Variants in EMC3 observed in about 807,000 individuals in gnomAD.
EMC3 encodes the protein ER membrane protein complex subunit 3.
A neutral mutation model predicts 36.6 loss-of-function variants in EMC3; 13 were observed. The ratio of observed to expected loss-of-function variants is 0.35; its 90% CI spans 0.23 to 0.56. The LOEUF (loss-of-function observed/expected upper bound fraction) is 0.56. EMC3 is among the 20% of genes least tolerant of loss of function. The probability of loss-of-function intolerance (pLI) is 0.84; values close to 1 mark genes in which losing one functional copy is unlikely to be tolerated. For missense variants in EMC3, 220 were observed against 324.5 expected (o/e 0.68, Z 2.47); for synonymous variants, 120 against 111.9 (o/e 1.07, Z -0.46).
intron 1 of EMC3, among the ~76,000 whole-genome samples, chr3:10,000,259 C>T (rs1474447106): frequency 1.3e-5 from 2 of 152,046 alleles, no homozygotes; most frequent in African/African-American, 2.4e-5. Flanking sequence ...AGGCTGGTCT[C>T]GAACTCCTGA....
intron 1 of EMC3, among the ~76,000 whole-genome samples, chr3:9,983,557 A>T (rs2085935327): frequency 6.6e-6 from 1 of 152,168 alleles, no homozygotes; most frequent in South Asian, 2.1e-4. Context: ...CGCTAATCGC[A>T]GCCACTCGAG....
Position 10,002,804 on chromosome 3 carries a change from T to TCCA in EMC3, c.-242+8218_-242+8219insTGG, listed in dbSNP as rs367609932. On this transcript the variant is annotated intron_variant, in intron 1 of 8. Coordinates refer to the EMC3 transcript ENST00000470827. ...CAACAAGCCTTCCAGCATGACCCTG[T>TCCA]GTCTTCCCCCTCCACGCAGAGCACC... 550 of 456,192 alleles carry TCCA rather than the reference T, an allele frequency of 1.2e-3. 3 individuals carry two copies. The highest frequency in any genetic ancestry group is 9.9e-3 in the African/African-American group (494 of 50,098). The allele number at this position is 456,192 out of a possible 1,614,324, so 28.3% of individuals were successfully genotyped here. A position where few individuals can be genotyped will look rare whatever the true frequency, so the allele number is the denominator to read the frequency against.
rs1042006536 is a variant in EMC3, at chr3:9,997,974, C to T, written c.-241-11072G>A. ...GTTTACCATTTTGAGGAACCACCAC[C>T]GCTTTCCATAGCAGCTGCATAATTT... On this transcript the variant is annotated intron_variant, in intron 1 of 8. Coordinates refer to the EMC3 transcript ENST00000470827. 6.6e-5 allele frequency among the ~76,000 whole-genome samples: 10 copies of T among 152,132 alleles called. No individual in the cohort carries two copies. The East Asian group carries it at 1.3e-3, about 20-fold the overall frequency.
chr3:9,965,128 G>T (rs78655947), intron 7 of EMC3, among the ~76,000 whole-genome samples: 1 of 150,920 alleles, frequency 6.6e-6, no homozygotes, highest in East Asian at 1.9e-4. Context: ...AAAAGCTTGC[G>T]AGATGTGGTA....
At chr3:9,990,277 C>T (rs1352538754), upstream of EMC3, among the ~76,000 whole-genome samples, 1 of 150,924 alleles carries the variant, frequency 6.6e-6, no homozygotes, top group Non-Finnish European at 1.5e-5. Flanking sequence ...ACCTCAGCCT[C>T]CCAAAGTCCT....
intron 1 of EMC3, among the ~76,000 whole-genome samples, chr3:9,983,629 G>A (rs970582461): frequency 2.4e-4 from 37 of 151,820 alleles, no homozygotes; most frequent in Admixed American, 2.0e-4. Flanking sequence ...CCAAGATTGC[G>A]CCACTGCACT....
rs148172438 is a variant in EMC3, at chr3:9,981,403, T to C, written c.156-3957A>G. ...ACCCTGAGGTATTTCAAGACCTAAA[T>C]AAGCAATCTTAAATTATCCTGTATT... On this transcript the variant is annotated intron_variant, in intron 1 of 7. Coordinates refer to ENST00000245046, the MANE Select transcript of EMC3 (RefSeq NM_001394674.1). Among the ~76,000 whole-genome samples, 213 of 152,322 alleles carry C rather than the reference T, an allele frequency of 1.4e-3. 1 individual carries two copies. The highest frequency in any genetic ancestry group is 5.0e-3 in the African/African-American group (206 of 41,570).
intron 1 of EMC3, chr3:10,007,565 G>C (rs764118783): frequency 1.5e-6 from 2 of 1,367,552 alleles, no homozygotes; most frequent in South Asian, 1.1e-5. Flanking sequence ...GAGTGCTTCT[G>C]GGTGAGGCAG....
At chr3:9,982,797 G>C (rs1400840689) in intron 1 of EMC3, among the ~76,000 whole-genome samples, 1 of 151,822 alleles carries the variant, frequency 6.6e-6, no homozygotes, top group Non-Finnish European at 1.5e-5. Context: ...TGAGGTGGGA[G>C]GATCCTTGAG....
intron 5 of EMC3, 93 bp downstream of exon 5, chr3:9,973,535 G>A: frequency 8.8e-7 from 1 of 1,141,546 alleles, no homozygotes; most frequent in Non-Finnish European, 1.3e-6. Context: ...CTGTTGCCCA[G>A]GCTGGTCTCA....
chr3:9,981,285 A>C (rs2085909244), intron 1 of EMC3, among the ~76,000 whole-genome samples: 1 of 152,218 alleles, frequency 6.6e-6, no homozygotes, highest in African/African-American at 2.4e-5. Context: ...ATAACTCAAG[A>C]CTTTCCCAGG....
intron 7 of EMC3, among the ~76,000 whole-genome samples, chr3:9,964,830 TGTAAACTA>T (rs910562541): frequency 3.3e-5 from 5 of 152,244 alleles, no homozygotes; most frequent in Non-Finnish European, 7.3e-5. Flanking sequence ...ATCATTTAGA[TGTAAACTA>T]GTAATATGTT....
At position 9,975,815 on chromosome 3, in the gene EMC3, GAA is replaced by G. The variant is rs56879267; in HGVS notation, c.307+1140_307+1141del. On this transcript the variant is annotated intron_variant, in intron 3 of 7. Coordinates refer to ENST00000245046, the MANE Select transcript of EMC3 (RefSeq NM_001394674.1). ...TGAGAGAGCGAGACTCCTTTCTGAA[GAA>G]AAAAAAAAAAAAAAAAAAAGATATC... Among the ~76,000 whole-genome samples the G allele has an allele frequency of 9.9e-3, 874 of 88,084 alleles. 4 individuals carry two copies. The highest frequency in any genetic ancestry group is 0.028 in the South Asian group (74 of 2,644). 57.8% of individuals were successfully genotyped at this position (88,084 alleles called of 152,430 possible).
chr3:9,976,964 A>T lies in EMC3; in HGVS notation c.300T>A (p.Pro100=). The T allele has an allele frequency of 6.2e-7, 1 of 1,609,978 alleles. No homozygotes were observed. The highest frequency in any genetic ancestry group is 8.5e-7 in the Non-Finnish European group (1 of 1,177,908). Residue 100 remains proline (P), a synonymous_variant, in exon 3 of 8, where the codon CCT becomes CCA. Transcript: ENST00000245046. The part of the protein sequence containing the change: ...KTKRKVVPPS[P]MTDPTMLTDM... ...TGAAGGGAACAAACATACCAGTCAT[A>T]GGAGAAGGTGGCACTACCTTCCGTT...
Position 9,992,039 on chromosome 3 carries a change from T to C in EMC3, c.-241-5137A>G, listed in dbSNP as rs372783807. Among the ~76,000 whole-genome samples the C allele has an allele frequency of 7.2e-5, 11 of 152,262 alleles. 1 individual carries two copies. In the East Asian group the frequency reaches 9.6e-4, roughly 13 times the overall value. ...CACCCCTCACCTCCTGCTGTGCAGC[T>C]TGGTTCCTAGCAGACCACAGACTCC... On this transcript the variant is annotated intron_variant, in intron 1 of 8. Transcript: ENST00000470827.
chr3:9,969,879 C>A, intron 6 of EMC3, 78 bp from the exon 7 acceptor site: 2 of 1,574,524 alleles, frequency 1.3e-6, no homozygotes, highest in Non-Finnish European at 1.7e-6. Flanking sequence ...ATGGGCTTCA[C>A]ACAGATTAGA....
chr3:10,000,440 G>T (rs1436404504), intron 1 of EMC3, among the ~76,000 whole-genome samples: 1 of 152,154 alleles, frequency 6.6e-6, no homozygotes, highest in Non-Finnish European at 1.5e-5. Context: ...GTGATACCAT[G>T]TTCTGAATTG....
chr3:9,988,359 C>T (rs763639906), upstream of EMC3: 5 of 1,082,990 alleles, frequency 4.6e-6, no homozygotes, highest in Non-Finnish European at 7.1e-6. Flanking sequence ...TTTTTCCTCT[C>T]TGCTACTTGT....
Position 9,986,562 on chromosome 3 carries a change from C to G in EMC3, c.100G>C (p.Val34Leu), listed in dbSNP as rs753098124. 6.2e-7 allele frequency: 1 copy of G among 1,614,070 alleles called. No homozygotes were observed. Among genetic ancestry groups the G allele is most frequent in the Admixed American group, 1.7e-5 (1 of 60,002 alleles). The change falls in exon 1 of 8, where the codon GTG becomes CTG. Residue 34 changes from valine (V) to leucine (L), a missense_variant. By Grantham distance (32) the Val-to-Leu change is conservative (BLOSUM62 1). Around this residue, in one of 3 missense-constraint regions of EMC3, gnomAD observed 127 missense variants for 174.6 expected, o/e 0.73. Coordinates refer to ENST00000245046, the MANE Select transcript of EMC3 (RefSeq NM_001394674.1). ...TFFVGMIRHYVSILLQSDKKL... is the reference protein window; with the variant it reads ...TFFVGMIRHYLSILLQSDKKL... ...TTGTCGCTCTGCAGCAGGATGGACA[C>G]GTAGTGGCGGATCATGCCTACGAAG...
Sources: allele counts gnomAD v4.1 joint callset (sites outside exome capture counted in the v4.1 genomes callset), GRCh38; gene constraint gnomAD v4.1.1; regional missense constraint gnomAD v4.1.1; transcripts MANE v1.5; gene names NCBI Gene and HGNC (gene_info 2026-07-23, HGNC 2026-07-21).